The following ACTN1 variants were observed in gnomAD, a reference collection of about 807,000 sequenced individuals.
ACTN1 encodes the protein actinin alpha 1, also known as alpha-actinin-1.
In ACTN1, 30 loss-of-function variants were observed where a neutral mutation model predicts 119.6. The observed-to-expected ratio is 0.25, with a 90% CI of 0.19 to 0.34. The LOEUF is 0.34. Among genes scored for constraint, ACTN1 ranks in the 10% least tolerant of loss-of-function variants. The probability of loss-of-function intolerance (pLI) is 1.00; values close to 1 mark genes in which losing one functional copy is unlikely to be tolerated. For synonymous variants in ACTN1, 429 were observed against 472.6 expected (o/e 0.91, Z 1.20); for missense variants, 764 against 1,223.4 (o/e 0.62, Z 5.60).
chr14:68,951,355 A>G (rs967535204), intron 1 of ACTN1, among the ~76,000 whole-genome samples: 1 of 152,212 alleles, frequency 6.6e-6, no homozygotes, highest in East Asian at 1.9e-4. Flanking sequence ...CCTCCACTAC[A>G]GGAGAGGAAG....
At chr14:68,919,843 C>T (rs534238922) in intron 3 of ACTN1, among the ~76,000 whole-genome samples, 6 of 152,344 alleles carry the variant, frequency 3.9e-5, no homozygotes, top group African/African-American at 9.6e-5. Flanking sequence ...ACATTAACAC[C>T]GGTGTGCTGT....
chr14:68,902,331 A>C, intron 8 of ACTN1, 146 bp downstream of exon 8: 1 of 684,146 alleles, frequency 1.5e-6, no homozygotes, highest in Non-Finnish European at 2.6e-6. Flanking sequence ...ACAACACGCC[A>C]CTTCAGAACT....
rs377191250 is a variant in ACTN1, at chr14:68,909,358, C to T, written c.554G>A (p.Arg185Gln). Reference sequence around the variant, plus strand: ...GTAGTCAATCAGCTCGGGCCGGTGTCGGTGGATCAAAGCACAGAAGCCGAG... The same window carrying T: ...GTAGTCAATCAGCTCGGGCCGGTGTTGGTGGATCAAAGCACAGAAGCCGAG... ...DGLGFCALIH[R>Q]HRPELIDYGK... The change falls in exon 6 of 22, where the codon CGA becomes CAA. Residue 185 changes from arginine to glutamine, a missense_variant. Physicochemically the swap from Arg to Gln is conservative, Grantham distance 43 (BLOSUM62 1). Transcript: ENST00000394419. The surrounding 1 kb of genome is among the most constrained non-coding windows in gnomAD (Gnocchi z 4.1). The T allele has an allele frequency of 8.7e-6, 14 of 1,613,926 alleles. No homozygotes were observed. In the African/African-American group the frequency reaches 1.1e-4, roughly 12 times the overall value.
At chr14:68,883,220 T>A in intron 14 of ACTN1, 165 bp from the exon 15 acceptor site, 1 of 709,228 alleles carries the variant, frequency 1.4e-6, no homozygotes, top group Non-Finnish European at 2.3e-6. Context: ...CACAGGAAGG[T>A]GAAGCCACAG....
chr14:68,953,356 C>T (rs944206553), intron 1 of ACTN1, among the ~76,000 whole-genome samples: 2 of 152,172 alleles, frequency 1.3e-5, no homozygotes, highest in South Asian at 2.1e-4. Flanking sequence ...CCTCAGCCTC[C>T]ATGTCCCCCA....
chr14:68,884,948 T>A (rs1297458420), intron 12 of ACTN1, 65 bp from the exon 13 acceptor site: 2 of 1,360,770 alleles, frequency 1.5e-6, no homozygotes, highest in African/African-American at 2.9e-5. Context: ...TCTCCCTCTC[T>A]CTGAGGCTGT....
intron 1 of ACTN1, among the ~76,000 whole-genome samples, chr14:68,959,594 T>C (rs2036458814): frequency 6.6e-6 from 1 of 152,188 alleles, no homozygotes; most frequent in Non-Finnish European, 1.5e-5. Flanking sequence ...TCTTTTAATA[T>C]TAGGCTAGGC....
chr14:68,877,133 T>C lies in ACTN1; in HGVS notation c.2535A>G (p.Thr845=). The C allele has an allele frequency of 6.2e-7, 1 of 1,614,188 alleles. No individual in the cohort carries two copies. Among genetic ancestry groups the C allele is most frequent in the Non-Finnish European group, 8.5e-7 (1 of 1,180,032 alleles). The change falls in exon 21 of 22, where the codon ACA becomes ACG. Residue 845 remains threonine, a synonymous_variant. Coordinates refer to ENST00000394419, the MANE Select transcript of ACTN1 (RefSeq NM_001130004.2). Reference sequence around the variant, plus strand: ...AAGCCATGACTTGGTCTGCTGTATCTGTGTCGGCTGTCTCGCGGGACATGA... The same window carrying C: ...AAGCCATGACTTGGTCTGCTGTATCCGTGTCGGCTGTCTCGCGGGACATGA... ...IDFMSRETAD[T]DTADQVMASF...
intron 1 of ACTN1, among the ~76,000 whole-genome samples, chr14:68,927,350 C>T (rs1367740124): frequency 6.6e-6 from 1 of 152,188 alleles, no homozygotes; most frequent in African/African-American, 2.4e-5. Context: ...CTCCACACCC[C>T]CAGCCTGGGA....
intron 9 of ACTN1, 103 bp from the exon 10 acceptor site, chr14:68,892,386 G>C: frequency 8.2e-7 from 1 of 1,224,614 alleles, no homozygotes; most frequent in Non-Finnish European, 1.1e-6. Flanking sequence ...ATGGGGAAGG[G>C]GTCTCTCCTA....
intron 13 of ACTN1, 72 bp downstream of exon 13, chr14:68,884,703 G>GTCAAGA: frequency 2.3e-6 from 3 of 1,290,258 alleles, no homozygotes; most frequent in Non-Finnish European, 3.4e-6. Context: ...AAAGCAAAGA[G>GTCAAGA]AGTCAAGAAG....
intron 1 of ACTN1, among the ~76,000 whole-genome samples, chr14:68,975,842 G>T (rs1276716189): frequency 2.0e-5 from 3 of 152,202 alleles, no homozygotes; most frequent in Non-Finnish European, 4.4e-5. Context: ...CCTCGGCCAA[G>T]CCAGTGCAGC....
chr14:68,874,704 G>T lies in ACTN1; in HGVS notation c.*155C>A. ...TTTGCAGAAAATAATTTTGTAAACT[G>T]TCACTTCGCGGGCAGGGAGGATCGA... On this transcript the variant is annotated 3_prime_UTR_variant, in exon 22 of 22. Transcript: ENST00000394419. The T allele has an allele frequency of 1.5e-6, 1 of 653,232 alleles. No individual in the cohort carries two copies. Among genetic ancestry groups the T allele is most frequent in the Non-Finnish European group, 2.3e-6 (1 of 443,094 alleles). 40.5% of individuals were successfully genotyped at this position (653,232 alleles called of 1,614,324 possible).
Position 68,892,291 on chromosome 14 carries a change from G to A in ACTN1, c.856-8C>T. On this transcript the variant is annotated splice_polypyrimidine_tract_variant and splice_region_variant and intron_variant, in intron 9 of 21. Coordinates refer to ENST00000394419, the MANE Select transcript of ACTN1 (RefSeq NM_001130004.2). Reference sequence around the variant, plus strand: ...GCGGATCCACTCCAACAGCTAGGGTGGGAAGGCGGTGGGGGCAGGAGGTGA... The same window carrying A: ...GCGGATCCACTCCAACAGCTAGGGTAGGAAGGCGGTGGGGGCAGGAGGTGA... 6.2e-7 allele frequency: 1 copy of A among 1,607,532 alleles called. No individual in the cohort carries two copies. Among genetic ancestry groups the A allele is most frequent in the Non-Finnish European group, 8.5e-7 (1 of 1,175,676 alleles).
rs1016983507 is a variant in ACTN1 at position 68,904,580 on chromosome 14, G to A, written c.676+75C>T. 2.1e-6 allele frequency: 3 copies of A among 1,398,052 alleles called. No individual in the cohort carries two copies. In the African/African-American group the frequency reaches 4.3e-5, roughly 20 times the overall value. 86.6% of individuals were successfully genotyped at this position (1,398,052 alleles called of 1,614,324 possible). A position where few individuals can be genotyped will look rare whatever the true frequency, so the allele number is the denominator to read the frequency against. Reference sequence around the variant, plus strand: ...TCCTCCCGTCCAGCCCCGGACTGCTGGGGTCCACCCCTTCTTAGCCGCTGA... The same window carrying A: ...TCCTCCCGTCCAGCCCCGGACTGCTAGGGTCCACCCCTTCTTAGCCGCTGA... On this transcript the variant is annotated intron_variant, in intron 7 of 21. Coordinates refer to ENST00000394419, the MANE Select transcript of ACTN1 (RefSeq NM_001130004.2).
chr14:68,880,218 G>A lies in ACTN1; in HGVS notation c.2134-110C>T. ...CAAAATGGCCAAAGCCATCAAACTT[G>A]GCCTTCTGTGTGGCTGAGTGTCACC... On this transcript the variant is annotated intron_variant, in intron 17 of 21. Transcript: ENST00000394419. This position sits in a 1 kb window ranked among gnomAD's most constrained non-coding sequence, Gnocchi z 4.6. The A allele has an allele frequency of 7.2e-7, 1 of 1,385,972 alleles. No homozygotes were observed. 85.9% of individuals were successfully genotyped at this position (1,385,972 alleles called of 1,614,324 possible). A position where few individuals can be genotyped will look rare whatever the true frequency, so the allele number is the denominator to read the frequency against.
At chr14:68,978,425 G>C in intron 1 of ACTN1, 2 of 350,588 alleles carry the variant, frequency 5.7e-6, no homozygotes, top group South Asian at 2.1e-5. Context: ...GGCGGCCGCC[G>C]ATCTCTCCGG....
At chr14:68,895,999 C>A (rs1014687799) in intron 8 of ACTN1, among the ~76,000 whole-genome samples, 1 of 152,174 alleles carries the variant, frequency 6.6e-6, no homozygotes, top group Admixed American at 6.5e-5. Flanking sequence ...CCCAGGATGG[C>A]CTCTCCAGAA....
Position 68,909,412 on chromosome 14 carries a change from G to A in ACTN1, c.516-16C>T. 3 of 1,613,722 alleles carry A rather than the reference G, an allele frequency of 1.9e-6. No individual in the cohort carries two copies. Among genetic ancestry groups the A allele is most frequent in the Admixed American group, 1.7e-5 (1 of 60,020 alleles). On this transcript the variant is annotated splice_polypyrimidine_tract_variant and intron_variant, in intron 5 of 21. Coordinates refer to ENST00000394419, the MANE Select transcript of ACTN1 (RefSeq NM_001130004.2). The surrounding 1 kb of genome is among the most constrained non-coding windows in gnomAD (Gnocchi z 4.1). ...ATCCTTCCAGCTGCCCGGGGAGAGA[G>A]AAGAAGGAGCAGGCTGGTAAATGAG...
Sources: gnomAD v4.1 joint callset for allele counts (sites outside exome capture counted in the v4.1 genomes callset) on GRCh38, gnomAD v4.1.1 for gene constraint, Gnocchi (gnomAD v3.1) non-coding constraint, MANE v1.5 for transcripts, NCBI Gene and HGNC (gene_info 2026-07-23, HGNC 2026-07-21) for gene names.